ANKS6: variants seen among roughly 807,000 people sequenced by gnomAD.
The protein encoded by ANKS6 is ankyrin repeat and SAM domain-containing protein 6.
In ANKS6, 47 loss-of-function variants were observed where a neutral mutation model predicts 77.9. The ratio of observed to expected loss-of-function variants is 0.60; its 90% CI spans 0.48 to 0.77. The LOEUF (loss-of-function observed/expected upper bound fraction) is 0.77. Among genes scored for constraint, ANKS6 ranks in the 30% least tolerant of loss-of-function variants. ANKS6 has a pLI of 0.00. For synonymous variants in ANKS6, 488 were observed against 501.7 expected, an observed-to-expected ratio of 0.97 and a Z score of 0.37; for missense variants, 1,150 against 1,159.1, an observed-to-expected ratio of 0.99 and a Z score of 0.11.
intron 11 of ANKS6, among the ~76,000 whole-genome samples, chr9:98,759,040 C>T (rs1379090950): frequency 1.3e-5 from 2 of 152,002 alleles, no homozygotes; most frequent in African/African-American, 4.8e-5. Context: ...ATCTTTGGTT[C>T]CTGGTTGATT....
In ANKS6 at chr9:98,790,179, C is replaced by A; in HGVS notation, c.787G>T (p.Glu263Ter). 1 of 1,601,792 alleles carries A rather than the reference C, an allele frequency of 6.2e-7. No individual in the cohort carries two copies. Among genetic ancestry groups the A allele is most frequent in the Non-Finnish European group, 8.5e-7 (1 of 1,170,148 alleles). The change falls in exon 2 of 15, where the codon GAG (glutamate) becomes TAG (stop). Residue 263 changes from glutamate to a stop codon, truncating the protein, a stop_gained. Transcript: ENST00000353234. LOFTEE classifies it high-confidence loss of function. ...HLSVLEKTAF[E>*]VALDCKHRDL... ...CTGTGCTTGCAGTCCAGTGCAACCT[C>A]GAAGGCGGTCTTCTCCAGCACGCTG...
intron 14 of ANKS6, among the ~76,000 whole-genome samples, chr9:98,739,416 G>C (rs1336582541): frequency 6.6e-6 from 1 of 152,066 alleles, no homozygotes; most frequent in Non-Finnish European, 1.5e-5. Context: ...CTCCAGCCTG[G>C]GCAACAGAGC....
intron 14 of ANKS6, among the ~76,000 whole-genome samples, chr9:98,742,189 G>T (rs1481547016): frequency 6.6e-6 from 1 of 152,178 alleles, no homozygotes; most frequent in African/African-American, 2.4e-5. Context: ...TCTCTTGGTT[G>T]GCCAAGCTTG....
chr9:98,771,555 C>T (rs954659890), intron 9 of ANKS6, among the ~76,000 whole-genome samples: 5 of 152,226 alleles, frequency 3.3e-5, no homozygotes, highest in African/African-American at 9.6e-5. Context: ...CTCCTGGTCA[C>T]GTCCTCTCCA....
intron 12 of ANKS6, among the ~76,000 whole-genome samples, chr9:98,751,964 T>C (rs1034462625): frequency 6.6e-6 from 1 of 152,178 alleles, no homozygotes; most frequent in Non-Finnish European, 1.5e-5. Flanking sequence ...TGTGTGCCTG[T>C]AGTCCCAGCA....
chr9:98,765,388 G>A (rs1173753829), intron 11 of ANKS6, among the ~76,000 whole-genome samples: 1 of 152,178 alleles, frequency 6.6e-6, no homozygotes, highest in African/African-American at 2.4e-5. Flanking sequence ...TCTGTATGTA[G>A]TTCTGTGTGC....
intron 11 of ANKS6, among the ~76,000 whole-genome samples, chr9:98,763,021 C>T (rs1833095952): frequency 6.6e-6 from 1 of 152,056 alleles, no homozygotes; most frequent in Admixed American, 6.6e-5. Context: ...ATAGACCAAA[C>T]TGCAGTTATA....
At chr9:98,746,853 A>C (rs1832164860) in intron 13 of ANKS6, among the ~76,000 whole-genome samples, 1 of 152,332 alleles carries the variant, frequency 6.6e-6, no homozygotes, top group South Asian at 2.1e-4. Context: ...ACAATGCTAC[A>C]GCTTCACAAA....
At chr9:98,758,950 G>A (rs985160577) in intron 11 of ANKS6, among the ~76,000 whole-genome samples, 5 of 152,160 alleles carry the variant, frequency 3.3e-5, no homozygotes, top group African/African-American at 4.8e-5. Flanking sequence ...CTCAACATAC[G>A]ATTTTCTCCT....
chr9:98,732,388 A>AT lies in ANKS6; in HGVS notation c.*4130dup. ...CAAACTATCTTTCTTTCTGTCTGCC[A>AT]TGCCAGGAAATCCAGTGACAGCAAG... On this transcript the variant is annotated 3_prime_UTR_variant, in exon 15 of 15. Transcript: ENST00000353234. 1 of 1,195,716 alleles carries AT rather than the reference A, an allele frequency of 8.4e-7. No individual in the cohort carries two copies. Among genetic ancestry groups the AT allele is most frequent in the Non-Finnish European group, 1.2e-6 (1 of 850,390 alleles). The allele number at this position is 1,195,716 out of a possible 1,614,324, so 74.1% of individuals were successfully genotyped here. A position where few individuals can be genotyped will look rare whatever the true frequency, so the allele number is the denominator to read the frequency against.
Position 98,784,817 on chromosome 9 carries a change from T to C in ANKS6, c.907+15A>G, listed in dbSNP as rs764255725. The C allele has an allele frequency of 1.2e-6, 2 of 1,610,482 alleles. No homozygotes were observed. ...ATATTCTTAAATATCCAAAAAGATT[T>C]TCTAAAGCGCTTACCCATTTTCAAT... On this transcript the variant is annotated intron_variant, in intron 3 of 14. Transcript: ENST00000353234.
rs1270346530 is a variant in ANKS6 at position 98,734,033 on chromosome 9, C to T, written c.*2486G>A. 1.0e-6 allele frequency: 1 copy of T among 985,290 alleles called. No homozygotes were observed. The highest frequency in any genetic ancestry group is 1.2e-6 in the Non-Finnish European group (1 of 829,962). The allele number at this position is 985,290 out of a possible 1,614,324, so 61.0% of individuals were successfully genotyped here. ...AAAAACAAGCACCCAACTGACCCCTCCTCCCTGACGATCTATAACCTACAT... is the reference window on the plus strand; with the variant it reads ...AAAAACAAGCACCCAACTGACCCCTTCTCCCTGACGATCTATAACCTACAT... On this transcript the variant is annotated 3_prime_UTR_variant, in exon 15 of 15. Transcript: ENST00000353234.
intron 8 of ANKS6, among the ~76,000 whole-genome samples, chr9:98,776,554 C>T (rs951041368): frequency 6.6e-6 from 1 of 152,118 alleles, no homozygotes; most frequent in Admixed American, 6.6e-5. Flanking sequence ...GCGCCCACCA[C>T]CATGCCCAGC....
Position 98,790,411 on chromosome 9 carries a change from G to A in ANKS6, c.555C>T (p.Ser185=), listed in dbSNP as rs901719009. The change falls in exon 2 of 15, where the codon AGC becomes AGT. Residue 185 remains serine (S), a synonymous_variant. Coordinates refer to ENST00000353234, the MANE Select transcript of ANKS6 (RefSeq NM_173551.5). The stretch of plus-strand genomic sequence containing the variant: ...CTGTGATGTCCAAGGGCTCATCCCT[G>A]CTGCCGCCCAACCCCAGTTGCTCGC... ...PSGEQLGLGG[S]RDEPLDITAL... is the part of the protein sequence containing the mutation. 6.2e-7 allele frequency: 1 copy of A among 1,613,800 alleles called. No homozygotes were observed. The highest frequency in any genetic ancestry group is 1.7e-5 in the Admixed American group (1 of 60,022).
intron 6 of ANKS6, among the ~76,000 whole-genome samples, chr9:98,779,349 AC>A (rs1320529707): frequency 6.6e-6 from 1 of 151,918 alleles, no homozygotes; most frequent in Non-Finnish European, 1.5e-5. Context: ...CTGCAGGGAG[AC>A]CCCAGAGTGG....
rs369634128 is a variant in ANKS6 at position 98,791,036 on chromosome 9, G to A, written c.360-430C>T. On this transcript the variant is annotated intron_variant, in intron 1 of 14. Transcript: ENST00000353234. This position sits in a 1 kb window ranked among gnomAD's most constrained non-coding sequence, Gnocchi z 4.3. Reference sequence around the variant, plus strand: ...AATTGTTCATGTTACGTTATTCAACGTGCCAAGGGTTACCCGGCTGGTAAG... The same window carrying A: ...AATTGTTCATGTTACGTTATTCAACATGCCAAGGGTTACCCGGCTGGTAAG... Among the ~76,000 whole-genome samples, 139 of 152,332 alleles carry A rather than the reference G, an allele frequency of 9.1e-4. 1 individual carries two copies. Among genetic ancestry groups the A allele is most frequent in the African/African-American group, 3.1e-3 (127 of 41,568 alleles).
At chr9:98,787,964 GC>G (rs1319639398) in intron 2 of ANKS6, among the ~76,000 whole-genome samples, 5 of 152,228 alleles carry the variant, frequency 3.3e-5, no homozygotes, top group African/African-American at 4.8e-5. Context: ...CCCCACAGCA[GC>G]CCTGAGGCGG....
intron 14 of ANKS6, among the ~76,000 whole-genome samples, chr9:98,744,951 A>C (rs960665337): frequency 6.6e-6 from 1 of 152,064 alleles, no homozygotes; most frequent in Non-Finnish European, 1.5e-5. Context: ...CGAAGCTTGC[A>C]AAGTGAGTGG....
intron 10 of ANKS6, among the ~76,000 whole-genome samples, chr9:98,768,836 A>C (rs1192222812): frequency 6.6e-6 from 1 of 152,208 alleles, no homozygotes; most frequent in African/African-American, 2.4e-5. Context: ...TTGAACTATT[A>C]TAAAATAAAG....
Sources: gnomAD v4.1 joint callset for allele counts (sites outside exome capture counted in the v4.1 genomes callset) on GRCh38, gnomAD v4.1.1 for gene constraint, Gnocchi (gnomAD v3.1) non-coding constraint, MANE v1.5 for transcripts, NCBI Gene and HGNC (gene_info 2026-07-23, HGNC 2026-07-21) for gene names.